PTPRT: variants seen among roughly 807,000 people sequenced by gnomAD.
PTPRT encodes the protein receptor-type tyrosine-protein phosphatase T.
A neutral mutation model predicts 176.8 loss-of-function variants in PTPRT; 56 were observed. The ratio of observed to expected loss-of-function variants is 0.32; its 90% CI spans 0.26 to 0.40. The LOEUF (loss-of-function observed/expected upper bound fraction) is 0.40. Among genes scored for constraint, PTPRT ranks in the 10% least tolerant of loss-of-function variants. The pLI is 1.00. For missense variants in PTPRT, 1,540 were observed against 1,908.2 expected, an observed-to-expected ratio of 0.81 and a Z score of 3.60; for synonymous variants, 783 against 739.0, an observed-to-expected ratio of 1.06 and a Z score of -0.96.
chr20:43,097,812 G>C (rs1236605012), intron 1 of PTPRT, among the ~76,000 whole-genome samples: 1 of 152,216 alleles, frequency 6.6e-6, no homozygotes, highest in Non-Finnish European at 1.5e-5. Flanking sequence ...ACCAGCCACA[G>C]CTCCTTAGAG....
rs148207018 is a variant in PTPRT, at chr20:43,105,514, C to T, written c.88+84132G>A. On this transcript the variant is annotated intron_variant, in intron 1 of 30. Transcript: ENST00000373187. ...CTCCTGGGTTCGAGTGTTTCTCATG[C>T]CTCAGCCTCCCCAGTAGCTGGGTCT... is the stretch of plus-strand genomic sequence containing the variant. Among the ~76,000 whole-genome samples the T allele has an allele frequency of 9.0e-3, 1,373 of 152,250 alleles. 21 individuals are homozygous for T. Among genetic ancestry groups the T allele is most frequent in the African/African-American group, 0.032 (1,316 of 41,548 alleles).
chr20:42,098,355 A>T (rs1310749541), intron 27 of PTPRT, 66 bp downstream of exon 27: 3 of 1,589,650 alleles, frequency 1.9e-6, no homozygotes, highest in Non-Finnish European at 1.7e-6. Context: ...CTGTCAAGGG[A>T]TCTCCCTCCA....
At chr20:43,098,491 AG>A (rs1393425550) in intron 1 of PTPRT, among the ~76,000 whole-genome samples, 1 of 152,170 alleles carries the variant, frequency 6.6e-6, no homozygotes, top group Non-Finnish European at 1.5e-5. Flanking sequence ...TCGTTAAATA[AG>A]AAGCGCTCCC....
At chr20:43,187,985 AC>A (rs1336389519) in intron 1 of PTPRT, among the ~76,000 whole-genome samples, 1 of 152,206 alleles carries the variant, frequency 6.6e-6, no homozygotes, top group Non-Finnish European at 1.5e-5. Flanking sequence ...CCGAGCCGGT[AC>A]GGGTTTTACC....
chr20:42,152,011 G>C (rs1285143194), intron 17 of PTPRT, among the ~76,000 whole-genome samples: 1 of 152,206 alleles, frequency 6.6e-6, no homozygotes, highest in Non-Finnish European at 1.5e-5. Flanking sequence ...TACTGATGTC[G>C]ATGGTCAGCT....
intron 7 of PTPRT, among the ~76,000 whole-genome samples, chr20:42,657,547 G>A (rs1220465502): frequency 6.6e-6 from 1 of 151,938 alleles, no homozygotes; most frequent in Non-Finnish European, 1.5e-5. Context: ...TAGGTTGATG[G>A]CATTTATTAG....
intron 6 of PTPRT, among the ~76,000 whole-genome samples, chr20:42,731,779 A>C (rs995174232): frequency 2.0e-5 from 3 of 151,968 alleles, no homozygotes; most frequent in African/African-American, 7.3e-5. Context: ...CTACTCACCC[A>C]TCTATCCCAG....
chr20:42,721,432 G>C (rs539381265), intron 6 of PTPRT, among the ~76,000 whole-genome samples: 2 of 152,178 alleles, frequency 1.3e-5, no homozygotes, highest in Non-Finnish European at 2.9e-5. Context: ...ATGGAAGCGT[G>C]GTGGGTGGGC....
chr20:42,549,197 G>A lies in PTPRT; in HGVS notation c.1154-76635C>T, dbSNP rs144731325. Among the ~76,000 whole-genome samples, 3 of 152,148 alleles carry A rather than the reference G, an allele frequency of 2.0e-5. 1 individual carries two copies. The highest frequency in any genetic ancestry group is 4.8e-5 in the African/African-American group (2 of 41,500). On this transcript the variant is annotated intron_variant, in intron 7 of 30. Transcript: ENST00000373187. Reference sequence around the variant, plus strand: ...TGGAGACAGTCTGCTCACCGATTACGGGGTAATGGATAACAAAAGTGTAGA... The same window carrying A: ...TGGAGACAGTCTGCTCACCGATTACAGGGTAATGGATAACAAAAGTGTAGA...
At chr20:42,746,414 G>C (rs2145362246) in intron 6 of PTPRT, among the ~76,000 whole-genome samples, 1 of 152,040 alleles carries the variant, frequency 6.6e-6, no homozygotes, top group South Asian at 2.1e-4. Context: ...GGAATGATGA[G>C]GAGAAGCACA....
intron 1 of PTPRT, among the ~76,000 whole-genome samples, chr20:42,923,333 A>G (rs1979277012): frequency 6.6e-6 from 1 of 152,212 alleles, no homozygotes; most frequent in Admixed American, 6.5e-5. Flanking sequence ...AACACTGTAT[A>G]CTCAGAAGAA....
At chr20:42,135,406 T>A (rs571685217) in intron 18 of PTPRT, among the ~76,000 whole-genome samples, 162 of 152,364 alleles carry the variant, frequency 1.1e-3, no homozygotes, top group African/African-American at 3.8e-3. Context: ...GGAACTTGTT[T>A]GAAATGGAAA....
chr20:42,236,560 T>C (rs1001570946), intron 14 of PTPRT, among the ~76,000 whole-genome samples: 1 of 151,714 alleles, frequency 6.6e-6, no homozygotes, highest in African/African-American at 2.4e-5. Flanking sequence ...TTCTTCCTTA[T>C]GGTCAACCAA....
chr20:43,054,449 G>A (rs1477904944), intron 1 of PTPRT, among the ~76,000 whole-genome samples: 2 of 151,986 alleles, frequency 1.3e-5, no homozygotes, highest in Non-Finnish European at 2.9e-5. Flanking sequence ...AGGTACTTGG[G>A]AGGCTGAGGT....
chr20:42,355,554 G>C (rs1228282737), intron 9 of PTPRT, among the ~76,000 whole-genome samples: 6 of 152,164 alleles, frequency 3.9e-5, no homozygotes, highest in Non-Finnish European at 7.4e-5. Context: ...ATCTGGGATG[G>C]GAAAAGGTTT....
intron 12 of PTPRT, among the ~76,000 whole-genome samples, chr20:42,291,187 G>A (rs963170301): frequency 1.3e-5 from 2 of 152,070 alleles, no homozygotes; most frequent in Non-Finnish European, 2.9e-5. Flanking sequence ...GATCCTGAAA[G>A]TCTACCTAAT....
chr20:42,495,964 C>G (rs957345197), intron 7 of PTPRT, among the ~76,000 whole-genome samples: 13 of 152,062 alleles, frequency 8.5e-5, no homozygotes, highest in African/African-American at 3.1e-4. Flanking sequence ...TGACCGAAAG[C>G]CTTACTGATA....
At chr20:42,185,431 C>T (rs1990738433) in intron 16 of PTPRT, among the ~76,000 whole-genome samples, 1 of 152,148 alleles carries the variant, frequency 6.6e-6, no homozygotes, top group Non-Finnish European at 1.5e-5. Flanking sequence ...ATTCCCAGAT[C>T]CAAATGGTTG....
chr20:43,008,905 C>T (rs1381281711), intron 1 of PTPRT, among the ~76,000 whole-genome samples: 1 of 152,116 alleles, frequency 6.6e-6, no homozygotes. Flanking sequence ...TCAGAGTGAA[C>T]ATTAAGCTAC....
Sources: gnomAD v4.1 joint callset for allele counts (sites outside exome capture counted in the v4.1 genomes callset) on GRCh38, gnomAD v4.1.1 for gene constraint, MANE v1.5 for transcripts, NCBI Gene and HGNC (gene_info 2026-07-23, HGNC 2026-07-21) for gene names.